Variants in MACROD2 observed in about 807,000 individuals in gnomAD.
MACROD2 encodes ADP-ribose glycohydrolase MACROD2.
In MACROD2, 36 loss-of-function variants were observed where a neutral mutation model predicts 70.4. The observed-to-expected ratio is 0.51, with a 90% CI of 0.39 to 0.68. MACROD2 has a LOEUF of 0.68. Among genes scored for constraint, MACROD2 ranks in the 30% least tolerant of loss-of-function variants. The probability of loss-of-function intolerance (pLI) is 0.00; values close to 1 mark genes in which losing one functional copy is unlikely to be tolerated. For missense variants in MACROD2, 496 were observed against 538.4 expected, an observed-to-expected ratio of 0.92 and a Z score of 0.78; for synonymous variants, 172 against 178.8, an observed-to-expected ratio of 0.96 and a Z score of 0.30.
At chr20:15,908,188 C>T (rs562162045) in intron 10 of MACROD2, among the ~76,000 whole-genome samples, 4 of 152,226 alleles carry the variant, frequency 2.6e-5, no homozygotes, top group South Asian at 2.1e-4. Context: ...AGAAGGCATG[C>T]GCTAGACCAG....
intron 8 of MACROD2, among the ~76,000 whole-genome samples, chr20:15,638,203 G>C (rs2049399658): frequency 6.6e-6 from 1 of 152,168 alleles, no homozygotes; most frequent in Non-Finnish European, 1.5e-5. Context: ...CATTCCACAT[G>C]GAAGCATGGC....
intron 6 of MACROD2, among the ~76,000 whole-genome samples, chr20:15,363,876 G>A (rs530321144): frequency 3.5e-4 from 54 of 152,202 alleles, no homozygotes; most frequent in African/African-American, 1.3e-3. Context: ...GGGGGCTAGC[G>A]GATGCATATG....
At chr20:14,164,383 G>C (rs2055234868) in intron 3 of MACROD2, among the ~76,000 whole-genome samples, 2 of 152,140 alleles carry the variant, frequency 1.3e-5, no homozygotes, top group South Asian at 4.1e-4. Flanking sequence ...GGTGGTGTAT[G>C]CTGGCACTGG....
intron 5 of MACROD2, among the ~76,000 whole-genome samples, chr20:14,832,519 C>T (rs2072982872): frequency 6.6e-6 from 1 of 151,994 alleles, no homozygotes; most frequent in Non-Finnish European, 1.5e-5. Flanking sequence ...GAGGGACCTT[C>T]AGAAAGAGCC....
chr20:15,750,347 A>ATTTTT (rs2051249880), intron 8 of MACROD2, among the ~76,000 whole-genome samples: 4 of 152,086 alleles, frequency 2.6e-5, no homozygotes, highest in African/African-American at 9.7e-5. Context: ...TACTTTTTAA[A>ATTTTT]ACCCACAAGT....
chr20:14,113,025 G>C (rs2054472072), intron 3 of MACROD2, among the ~76,000 whole-genome samples: 1 of 151,854 alleles, frequency 6.6e-6, no homozygotes, highest in Admixed American at 6.6e-5. Context: ...GCCCAAATTT[G>C]TGCCTTTTGA....
chr20:15,453,437 A>G (rs2046671771), intron 7 of MACROD2, among the ~76,000 whole-genome samples: 1 of 152,146 alleles, frequency 6.6e-6, no homozygotes, highest in Non-Finnish European at 1.5e-5. Flanking sequence ...TTTTAAAATT[A>G]TGTTTACATC....
At chr20:13,996,298 C>G (rs1242988252) in intron 1 of MACROD2, 2 of 172,600 alleles carry the variant, frequency 1.2e-5, no homozygotes, top group African/African-American at 2.4e-5. Flanking sequence ...CCCCCAGCCC[C>G]CGAATGGCAA....
At chr20:15,947,854 T>C (rs1223341409) in intron 12 of MACROD2, among the ~76,000 whole-genome samples, 2 of 152,176 alleles carry the variant, frequency 1.3e-5, no homozygotes, top group Admixed American at 1.3e-4. Context: ...TTATCTGGAA[T>C]TTTTTCCACA....
intron 3 of MACROD2, among the ~76,000 whole-genome samples, chr20:14,409,649 G>A (rs1312683324): frequency 6.6e-6 from 1 of 152,000 alleles, no homozygotes; most frequent in Non-Finnish European, 1.5e-5. Context: ...TGTCCCATAG[G>A]CAGAGTTTAT....
chr20:15,077,520 GGTA>G (rs2075667320), intron 5 of MACROD2, among the ~76,000 whole-genome samples: 1 of 152,044 alleles, frequency 6.6e-6, no homozygotes, highest in Non-Finnish European at 1.5e-5. Flanking sequence ...TTAGTAGTGT[GGTA>G]AATCATTTTT....
At chr20:15,601,159 A>G (rs2048814114) in intron 8 of MACROD2, among the ~76,000 whole-genome samples, 2 of 152,220 alleles carry the variant, frequency 1.3e-5, no homozygotes, top group African/African-American at 4.8e-5. Context: ...GAGCATTCTC[A>G]CTACTGACTC....
intron 8 of MACROD2, among the ~76,000 whole-genome samples, chr20:15,802,646 C>T (rs4369927): frequency 0.029 from 4,471 of 151,906 alleles, 267 homozygotes; most frequent in African/African-American, 0.1. Flanking sequence ...CCAAAATTAA[C>T]AGAAAAAGAA....
At chr20:15,301,913 A>G (rs928784142) in intron 6 of MACROD2, among the ~76,000 whole-genome samples, 2 of 152,186 alleles carry the variant, frequency 1.3e-5, no homozygotes, top group Non-Finnish European at 2.9e-5. Context: ...TCTTAAACTC[A>G]ACAAGACAGG....
intron 3 of MACROD2, among the ~76,000 whole-genome samples, chr20:14,157,666 G>A (rs944537066): frequency 3.9e-5 from 6 of 152,038 alleles, no homozygotes; most frequent in Admixed American, 3.3e-4. Flanking sequence ...ACATATGATT[G>A]AGAATATGTG....
intron 2 of MACROD2, among the ~76,000 whole-genome samples, chr20:14,050,453 T>G (rs1354605188): frequency 6.6e-6 from 1 of 152,172 alleles, no homozygotes; most frequent in African/African-American, 2.4e-5. Flanking sequence ...TTGCCCGCAT[T>G]GAGCCTGAAA....
At chr20:15,095,833 T>A (rs1303271986) in intron 5 of MACROD2, among the ~76,000 whole-genome samples, 1 of 151,574 alleles carries the variant, frequency 6.6e-6, no homozygotes, top group Non-Finnish European at 1.5e-5. Flanking sequence ...GTTCTTCAGT[T>A]CTTTATGTTT....
chr20:14,751,724 C>G (rs548236448), intron 5 of MACROD2, among the ~76,000 whole-genome samples: 81 of 152,236 alleles, frequency 5.3e-4, no homozygotes, highest in Non-Finnish European at 1.1e-3. Context: ...AGTGGAAATG[C>G]TCAGATCCTA....
chr20:14,510,143 G>A (rs764214556), intron 4 of MACROD2, among the ~76,000 whole-genome samples: 6 of 151,876 alleles, frequency 4.0e-5, no homozygotes, highest in East Asian at 3.9e-4. Flanking sequence ...TTATCTTAGC[G>A]TTGGTGTTTA....
Sources: gnomAD v4.1 joint callset for allele counts (sites outside exome capture counted in the v4.1 genomes callset) on GRCh38, gnomAD v4.1.1 for gene constraint, MANE v1.5 for transcripts, NCBI Gene and HGNC (gene_info 2026-07-23, HGNC 2026-07-21) for gene names.